Variants in ADAM12 observed in about 807,000 individuals in gnomAD.
ADAM12 encodes the protein ADAM metallopeptidase domain 12.
In ADAM12, 70 loss-of-function variants were observed where a neutral mutation model predicts 106.4. The observed-to-expected ratio is 0.66, with a 90% CI of 0.54 to 0.80. The LOEUF is 0.80. ADAM12 is among the 30% of genes least tolerant of loss of function. The pLI is 0.00. For synonymous variants in ADAM12, 420 were observed against 433.5 expected, an observed-to-expected ratio of 0.97 and a Z score of 0.39; for missense variants, 1,010 against 1,171.9, an observed-to-expected ratio of 0.86 and a Z score of 2.02.
At chr10:126,320,559 C>T (rs181228977) in intron 2 of ADAM12, among the ~76,000 whole-genome samples, 79 of 152,254 alleles carry the variant, frequency 5.2e-4, no homozygotes, top group African/African-American at 5.3e-4. Flanking sequence ...TATTAAGGAA[C>T]GGTCCTCACT....
At position 126,293,960 on chromosome 10, in the gene ADAM12, T is replaced by C. The variant is rs559924259; in HGVS notation, c.187-14972A>G. Among the ~76,000 whole-genome samples the C allele has an allele frequency of 1.7e-4, 26 of 152,364 alleles. No individual in the cohort carries two copies. The East Asian group carries it at 3.5e-3, about 20-fold the overall frequency. On this transcript the variant is annotated intron_variant, in intron 2 of 22. Coordinates refer to ENST00000448723, the MANE Select transcript of ADAM12 (RefSeq NM_001288973.2). ...CTGAAATGTAGTTATTTCTGTTTAC[T>C]CACAAACACTGTCTACCCACTGGGC...
At chr10:126,221,902 C>G (rs973456310) in intron 3 of ADAM12, among the ~76,000 whole-genome samples, 2 of 152,220 alleles carry the variant, frequency 1.3e-5, no homozygotes, top group African/African-American at 4.8e-5. Context: ...GAGGCCAATG[C>G]TTCCCTCTAA....
At chr10:126,172,963 T>G (rs1957146300) in intron 3 of ADAM12, among the ~76,000 whole-genome samples, 2 of 152,142 alleles carry the variant, frequency 1.3e-5, no homozygotes, top group African/African-American at 4.8e-5. Flanking sequence ...TGTGGGGACA[T>G]GGATGAAGCT....
intron 21 of ADAM12, among the ~76,000 whole-genome samples, chr10:126,020,292 G>A (rs572570718): frequency 3.9e-4 from 60 of 152,306 alleles, no homozygotes; most frequent in African/African-American, 1.4e-3. Flanking sequence ...AGTCTGCCAC[G>A]TGCAGGCGCT....
intron 4 of ADAM12, among the ~76,000 whole-genome samples, chr10:126,145,198 G>T (rs545546689): frequency 6.6e-6 from 1 of 152,168 alleles, no homozygotes; most frequent in Admixed American, 6.5e-5. Context: ...AGTATGGGAT[G>T]TTTACTGGTC....
At chr10:126,110,023 C>A (rs1590423603) in intron 6 of ADAM12, among the ~76,000 whole-genome samples, 183 bp from the exon 7 acceptor site, 1 of 152,124 alleles carries the variant, frequency 6.6e-6, no homozygotes, top group Admixed American at 6.5e-5. Flanking sequence ...AAAACCTTCT[C>A]AACATGAGTA....
chr10:126,200,788 G>A (rs1223837580), intron 3 of ADAM12, among the ~76,000 whole-genome samples: 1 of 145,844 alleles, frequency 6.9e-6, no homozygotes, highest in Admixed American at 6.6e-5. Flanking sequence ...CAAGACTCTA[G>A]AGAAAGAGCC....
intron 6 of ADAM12, among the ~76,000 whole-genome samples, chr10:126,111,325 TAAAAG>T (rs1209068995): frequency 6.6e-6 from 1 of 152,222 alleles, no homozygotes; most frequent in Non-Finnish European, 1.5e-5. Context: ...GCGTTACTTA[TAAAAG>T]AAAAGACATT....
chr10:126,179,548 G>A (rs973203100), intron 3 of ADAM12, among the ~76,000 whole-genome samples: 1 of 152,186 alleles, frequency 6.6e-6, no homozygotes, highest in African/African-American at 2.4e-5. Context: ...CCTTTTGGAT[G>A]CTAAAAAATG....
intron 3 of ADAM12, among the ~76,000 whole-genome samples, chr10:126,237,371 G>C (rs987257546): frequency 6.6e-6 from 1 of 152,108 alleles, no homozygotes; most frequent in Non-Finnish European, 1.5e-5. Flanking sequence ...CAGAAAAATA[G>C]AGGGGACTCC....
intron 11 of ADAM12, among the ~76,000 whole-genome samples, chr10:126,093,352 G>T: frequency 6.6e-6 from 1 of 152,144 alleles, no homozygotes. Context: ...GCTCTTTTCT[G>T]GTTGAACCAA....
In ADAM12 at chr10:126,157,498, C is replaced by T. The variant is rs12413332; in HGVS notation, c.261-2193G>A. ...CCAAGTTCAGAACTGAGAGTCAGCT[C>T]CTTGTTTTACATGGATTGCAATATG... On this transcript the variant is annotated intron_variant, in intron 3 of 22. Coordinates refer to ENST00000448723, the MANE Select transcript of ADAM12 (RefSeq NM_001288973.2). 4.7e-3 allele frequency among the ~76,000 whole-genome samples: 716 copies of T among 152,344 alleles called. 21 individuals carry two copies. The highest frequency in any genetic ancestry group is 0.035 in the Admixed American group (530 of 15,306).
At chr10:126,350,036 G>A (rs1855293626) in intron 1 of ADAM12, among the ~76,000 whole-genome samples, 1 of 152,118 alleles carries the variant, frequency 6.6e-6, no homozygotes, top group African/African-American at 2.4e-5. Context: ...GATTGCACGT[G>A]GACACAGCTT....
Position 126,355,746 on chromosome 10 carries a change from G to A in ADAM12, c.89-25237C>T, listed in dbSNP as rs372360004. Among the ~76,000 whole-genome samples, 80 of 152,308 alleles carry A rather than the reference G, an allele frequency of 5.3e-4. 1 individual carries two copies. The East Asian group carries it at 0.011, about 22-fold the overall frequency. On this transcript the variant is annotated intron_variant, in intron 1 of 22. Transcript: ENST00000448723. ...CTTCATAAAGAATGCTCGAGGTAGCGGCATGGCGAGACCAGCTGGAGTCAG... is the reference window on the plus strand; with the variant it reads ...CTTCATAAAGAATGCTCGAGGTAGCAGCATGGCGAGACCAGCTGGAGTCAG...
chr10:126,340,577 A>G (rs1423823751), intron 1 of ADAM12, among the ~76,000 whole-genome samples: 5 of 152,200 alleles, frequency 3.3e-5, no homozygotes, highest in Non-Finnish European at 7.3e-5. Context: ...CTGATTAGGA[A>G]AACTTGGAGT....
At chr10:126,211,414 A>C (rs1375853797) in intron 3 of ADAM12, among the ~76,000 whole-genome samples, 2 of 152,198 alleles carry the variant, frequency 1.3e-5, no homozygotes, top group East Asian at 3.9e-4. Flanking sequence ...ATTGGAAAAG[A>C]GAGTTCACAT....
intron 3 of ADAM12, among the ~76,000 whole-genome samples, chr10:126,224,536 T>G (rs10901562): frequency 0.3 from 45,692 of 151,544 alleles, 7,347 homozygotes; most frequent in African/African-American, 0.41. Context: ...GATGGACTCT[T>G]GGGGAGGGGC....
intron 1 of ADAM12, among the ~76,000 whole-genome samples, chr10:126,367,604 G>A (rs563044811): frequency 6.6e-6 from 1 of 151,804 alleles, no homozygotes; most frequent in African/African-American, 2.4e-5. Flanking sequence ...TGAAACCAAA[G>A]TTGGTTGTTT....
chr10:126,044,225 CAGG>C (rs2133421379), intron 17 of ADAM12, among the ~76,000 whole-genome samples: 1 of 151,274 alleles, frequency 6.6e-6, no homozygotes, highest in East Asian at 1.9e-4. Context: ...CACTTGAGGC[CAGG>C]AGTTCAAGAC....
Sources: gnomAD v4.1 joint callset for allele counts (sites outside exome capture counted in the v4.1 genomes callset) on GRCh38, gnomAD v4.1.1 for gene constraint, MANE v1.5 for transcripts, NCBI Gene and HGNC (gene_info 2026-07-23, HGNC 2026-07-21) for gene names.